CFAP92: variants seen among roughly 807,000 people sequenced by gnomAD.
CFAP92 encodes the protein cilia and flagella associated protein 92 (putative), also known as uncharacterized protein CFAP92.
Under a neutral mutation model 106.3 loss-of-function variants are expected in CFAP92, and 86 were observed. That is an observed-to-expected ratio of 0.81 (90% CI 0.68 to 0.97). The LOEUF (loss-of-function observed/expected upper bound fraction) is 0.97. CFAP92 is among the 50% of genes least tolerant of loss of function. The pLI is 0.00. For synonymous variants in CFAP92, 477 were observed against 506.4 expected (o/e 0.94, Z 0.78); for missense variants, 1,204 against 1,283.8 (o/e 0.94, Z 0.95).
At chr3:129,014,476 G>T in the CFAP92 span, among the ~76,000 whole-genome samples, 4 of 152,368 alleles carry the variant, frequency 2.6e-5, no homozygotes, top group East Asian at 7.7e-4. This position sits in a 1 kb window ranked among gnomAD's most constrained non-coding sequence, Gnocchi z 4.3. Context: ...CCTTCTGTGT[G>T]TATTTCTGTC....
intron 9 of CFAP92, among the ~76,000 whole-genome samples, chr3:128,952,286 C>T (rs1163148458): frequency 1.5e-5 from 2 of 131,274 alleles, no homozygotes; most frequent in African/African-American, 6.8e-5. Context: ...TATGCCACCA[C>T]ATCTAGCTAA....
intron 5 of CFAP92, 145 bp downstream of exon 5, chr3:128,977,900 G>C: frequency 1.1e-6 from 1 of 882,154 alleles, no homozygotes; most frequent in Non-Finnish European, 1.8e-6. Context: ...CAATACAGCC[G>C]TGTGGCAGGG....
chr3:129,013,167 A>ATGATCGC, the CFAP92 span, among the ~76,000 whole-genome samples: 103 of 152,308 alleles, frequency 6.8e-4, no homozygotes, highest in Middle Eastern at 0.01. Context: ...TCTGGAGGAC[A>ATGATCGC]CAAGGGGGTG....
At chr3:128,917,633 AT>A (rs1355058406) in intron 12 of CFAP92, among the ~76,000 whole-genome samples, 1 of 152,260 alleles carries the variant, frequency 6.6e-6, no homozygotes, top group East Asian at 1.9e-4. Flanking sequence ...TTGTTTTAAA[AT>A]AAGAGTGAAG....
chr3:129,006,053 A>G (rs1468239532), upstream of CFAP92, among the ~76,000 whole-genome samples: 1 of 152,244 alleles, frequency 6.6e-6, no homozygotes, highest in Admixed American at 6.5e-5. Flanking sequence ...TAGTCCCCAT[A>G]AGGTTGTACA....
chr3:128,914,450 G>A (rs181758598), intron 15 of CFAP92, among the ~76,000 whole-genome samples: 7 of 152,376 alleles, frequency 4.6e-5, no homozygotes, highest in Non-Finnish European at 1.0e-4. Flanking sequence ...TAGGAGTCGA[G>A]GAGGAGAGGA....
chr3:129,002,787 C>T (rs999339655), upstream of CFAP92: 5 of 161,976 alleles, frequency 3.1e-5, no homozygotes, highest in South Asian at 4.0e-4. Context: ...CTGACAGCTC[C>T]TTCTGTCAAT....
chr3:128,979,987 AAAAG>A (rs1291259085), intron 4 of CFAP92, among the ~76,000 whole-genome samples: 56 of 148,190 alleles, frequency 3.8e-4, no homozygotes, highest in East Asian at 3.9e-4. Context: ...AAAAAAGAGA[AAAAG>A]AAAGAAAGGA....
intron 12 of CFAP92, among the ~76,000 whole-genome samples, chr3:128,917,224 A>G (rs570449757): frequency 1.3e-5 from 2 of 152,302 alleles, no homozygotes; most frequent in East Asian, 1.9e-4. Context: ...ACTTCAATCA[A>G]TATTTCTTGA....
intron 8 of CFAP92, 43 bp downstream of exon 8, chr3:128,971,244 A>G: frequency 6.2e-7 from 1 of 1,613,230 alleles, no homozygotes; most frequent in Non-Finnish European, 8.5e-7. Context: ...TTCTGGCCAC[A>G]AGACAAGCAG....
intron 4 of CFAP92, among the ~76,000 whole-genome samples, chr3:128,980,339 C>T (rs1337118166): frequency 6.9e-6 from 1 of 145,578 alleles, no homozygotes; most frequent in Non-Finnish European, 1.5e-5. Flanking sequence ...TGCACTGCTG[C>T]CTGGGGGACA....
chr3:129,021,012 G>A, the CFAP92 span, among the ~76,000 whole-genome samples: 1 of 152,192 alleles, frequency 6.6e-6, no homozygotes, highest in East Asian at 1.9e-4. Flanking sequence ...ATCTCCTTGG[G>A]AGCAGTATCT....
chr3:128,910,673 G>C, intron 15 of CFAP92: 1 of 1,573,800 alleles, frequency 6.4e-7, no homozygotes, highest in Non-Finnish European at 8.7e-7. Context: ...TGATAGGCTG[G>C]GTTTTTGAAG....
chr3:128,971,992 A>G (rs1942834603), intron 7 of CFAP92, among the ~76,000 whole-genome samples: 1 of 152,208 alleles, frequency 6.6e-6, no homozygotes, highest in Non-Finnish European at 1.5e-5. Flanking sequence ...GGTCATCAAG[A>G]CAAGACCAAT....
intron 1 of CFAP92, 58 bp from the exon 2 acceptor site, chr3:128,993,394 T>C (rs1576658477): frequency 6.7e-7 from 1 of 1,498,224 alleles, no homozygotes; most frequent in Non-Finnish European, 9.0e-7. Flanking sequence ...CTCCAGGAGG[T>C]AAGCCCGGCC....
intron 5 of CFAP92, among the ~76,000 whole-genome samples, chr3:128,977,334 G>C (rs752729376): frequency 2.6e-5 from 4 of 152,012 alleles, no homozygotes; most frequent in Non-Finnish European, 4.4e-5. Context: ...CTATTAAATT[G>C]TCCATTTCAG....
the CFAP92 span, among the ~76,000 whole-genome samples, chr3:129,021,762 T>C: frequency 2.6e-5 from 4 of 152,210 alleles, no homozygotes; most frequent in Admixed American, 6.5e-5. Flanking sequence ...AATGTATCCA[T>C]CACAGACAGG....
chr3:128,960,137 C>T (rs867574916), intron 9 of CFAP92, among the ~76,000 whole-genome samples: 4 of 152,318 alleles, frequency 2.6e-5, no homozygotes, highest in Middle Eastern at 6.8e-3. Context: ...AACGGCCCCA[C>T]TCCCTTCGCT....
chr3:128,960,388 A>G (rs990528030), intron 9 of CFAP92, among the ~76,000 whole-genome samples: 59 of 152,144 alleles, frequency 3.9e-4, no homozygotes, highest in Non-Finnish European at 7.6e-4. Context: ...CATCTCACCA[A>G]TTTCAAATCC....
Sources: gnomAD v4.1 joint callset for allele counts (sites outside exome capture counted in the v4.1 genomes callset) on GRCh38, gnomAD v4.1.1 for gene constraint, Gnocchi (gnomAD v3.1) non-coding constraint, MANE v1.5 for transcripts, NCBI Gene and HGNC (gene_info 2026-07-23, HGNC 2026-07-21) for gene names.